Variants in APBB2 observed in about 807,000 individuals in gnomAD.
The protein encoded by APBB2 is Fe65-like 1.
A neutral mutation model predicts 82.5 loss-of-function variants in APBB2; 38 were observed. The observed-to-expected ratio is 0.46, with a 90% CI of 0.36 to 0.60. APBB2 has a LOEUF of 0.60. APBB2 is among the 20% of genes least tolerant of loss of function. The pLI is 0.00. For synonymous variants in APBB2, 341 were observed against 368.2 expected (o/e 0.93, Z 0.85); for missense variants, 772 against 972.3 (o/e 0.79, Z 2.74).
In APBB2 at chr4:41,213,123, G is replaced by C. The variant is rs1183992864; in HGVS notation, c.-417+1282C>G. ...GCAAGATTTAAGAGAGTAAACTCCA[G>C]AAACAACAGATCAAACTGCCATTGT... On this transcript the variant is annotated intron_variant, in intron 1 of 17. Coordinates refer to ENST00000508593, the MANE Select transcript of APBB2 (RefSeq NM_004307.2). 2.0e-5 allele frequency among the ~76,000 whole-genome samples: 3 copies of C among 149,348 alleles called. No individual in the cohort carries two copies. The East Asian group carries it at 5.9e-4, about 29-fold the overall frequency.
rs1359004345 is a variant in APBB2 at position 40,880,942 on chromosome 4, C to A, written c.1529+9422G>T. 8 of 984,432 alleles carry A rather than the reference C, an allele frequency of 8.1e-6. No homozygotes were observed. In the South Asian group the frequency reaches 3.8e-4, roughly 46 times the overall value. 61.0% of individuals were successfully genotyped at this position (984,432 alleles called of 1,614,324 possible). Reference sequence around the variant, plus strand: ...ATAGATTCATGAACAGGGACAGGACCGCCATGAACGATCTGTCTGAAAATG... The same window carrying A: ...ATAGATTCATGAACAGGGACAGGACAGCCATGAACGATCTGTCTGAAAATG... On this transcript the variant is annotated intron_variant, in intron 12 of 17. Transcript: ENST00000508593.
At chr4:41,197,950 A>G in intron 1 of APBB2, among the ~76,000 whole-genome samples, 5 of 152,362 alleles carry the variant, frequency 3.3e-5, no homozygotes, top group Admixed American at 3.3e-4. Flanking sequence ...ATTTGATAAT[A>G]TAACAATATT....
intron 4 of APBB2, among the ~76,000 whole-genome samples, chr4:41,061,309 C>T (rs925576800): frequency 6.6e-6 from 1 of 152,202 alleles, no homozygotes; most frequent in Non-Finnish European, 1.5e-5. Context: ...AGAAATGCAT[C>T]GTTGGGCGAT....
chr4:41,056,830 G>A (rs1474309534), intron 4 of APBB2, among the ~76,000 whole-genome samples: 2 of 152,160 alleles, frequency 1.3e-5, no homozygotes, highest in African/African-American at 4.8e-5. Context: ...ACTATCTCTT[G>A]TTCAAAAACA....
intron 4 of APBB2, among the ~76,000 whole-genome samples, chr4:41,039,830 T>C (rs1247039460): frequency 3.0e-5 from 3 of 99,218 alleles, no homozygotes; most frequent in Non-Finnish European, 4.3e-5. Context: ...TGTGAGACCT[T>C]GTCTCAAAAA....
chr4:40,883,500 T>A (rs1413819497), intron 12 of APBB2, among the ~76,000 whole-genome samples: 1 of 151,882 alleles, frequency 6.6e-6, no homozygotes, highest in African/African-American at 2.4e-5. Context: ...GGCAGGAGAA[T>A]TGCTTGAACC....
intron 6 of APBB2, among the ~76,000 whole-genome samples, chr4:40,966,567 C>T (rs759414893): frequency 3.3e-5 from 5 of 152,236 alleles, no homozygotes; most frequent in African/African-American, 4.8e-5. Context: ...CCTGCAGGCT[C>T]AGAAGTGCCT....
chr4:41,107,994 T>C (rs1282844039), intron 2 of APBB2, among the ~76,000 whole-genome samples: 4 of 152,204 alleles, frequency 2.6e-5, no homozygotes. Flanking sequence ...TATTTATATA[T>C]CAGATAATAT....
chr4:41,045,795 C>T (rs1723180303), intron 4 of APBB2, among the ~76,000 whole-genome samples: 1 of 152,170 alleles, frequency 6.6e-6, no homozygotes, highest in African/African-American at 2.4e-5. Context: ...AGACTATGTC[C>T]GTTTCATTCA....
intron 1 of APBB2, among the ~76,000 whole-genome samples, chr4:41,178,031 C>T (rs918161534): frequency 2.6e-5 from 4 of 152,062 alleles, no homozygotes; most frequent in South Asian, 4.1e-4. Flanking sequence ...GGGTCTCACA[C>T]GCAGAAGAAC....
intron 1 of APBB2, among the ~76,000 whole-genome samples, chr4:41,155,112 T>C (rs570255394): frequency 3.9e-5 from 6 of 152,342 alleles, no homozygotes; most frequent in East Asian, 3.9e-4. Context: ...GTCAAGTAAT[T>C]TGGCATTTTA....
intron 12 of APBB2, among the ~76,000 whole-genome samples, chr4:40,888,842 G>A (rs192549840): frequency 3.9e-5 from 6 of 152,170 alleles, no homozygotes; most frequent in Middle Eastern, 3.2e-3. Context: ...CGTCGCACAC[G>A]TATGTAATGT....
intron 12 of APBB2, among the ~76,000 whole-genome samples, chr4:40,884,734 A>G (rs1266633030): frequency 6.6e-6 from 1 of 152,230 alleles, no homozygotes; most frequent in Non-Finnish European, 1.5e-5. Flanking sequence ...ACTGTACTCC[A>G]GCCTGGGCAA....
At chr4:40,849,871 G>A (rs982293859) in intron 12 of APBB2, among the ~76,000 whole-genome samples, 5 of 130,852 alleles carry the variant, frequency 3.8e-5, no homozygotes, top group Non-Finnish European at 6.4e-5. Flanking sequence ...GAGATTACTC[G>A]GCGCCACCAC....
rs1347599468 is a variant in APBB2 at position 40,893,350 on chromosome 4, T to C, written c.1316A>G (p.Lys439Arg). The C allele has an allele frequency of 1.9e-6, 3 of 1,613,452 alleles. No homozygotes were observed. The highest frequency in any genetic ancestry group is 1.7e-5 in the Admixed American group (1 of 59,908). ...EMAEEDLAPG[K>R]SSVAVNNCIR... is the part of the protein sequence containing the mutation. ...GCAGTTGTTGACCGCAACACTACTT[T>C]TACCGGGGGCGAGGTCCTCTTCTGC... The change falls in exon 11 of 18, where the codon AAA becomes AGA. Residue 439 changes from lysine (K) to arginine (R), a missense_variant. Physicochemically the swap from Lys to Arg is conservative, Grantham distance 26 (BLOSUM62 2). Coordinates refer to ENST00000508593, the MANE Select transcript of APBB2 (RefSeq NM_004307.2).
intron 4 of APBB2, among the ~76,000 whole-genome samples, chr4:41,050,765 G>T (rs1430474403): frequency 3.9e-5 from 6 of 152,218 alleles, no homozygotes; most frequent in Admixed American, 6.5e-5. Context: ...TCATGAAACA[G>T]AAGTCCAAAT....
Position 41,023,004 on chromosome 4 carries a change from C to T in APBB2, c.20-8606G>A, listed in dbSNP as rs528655490. Among the ~76,000 whole-genome samples the T allele has an allele frequency of 4.6e-5, 7 of 152,286 alleles. No homozygotes were observed. The South Asian group carries it at 1.2e-3, about 27-fold the overall frequency. ...TCTGAGCAAGAGTTAAAATAAAATC[C>T]TTTAATATAATGTATAGACCAATTT... On this transcript the variant is annotated intron_variant, in intron 5 of 17. Transcript: ENST00000508593.
At position 40,944,908 on chromosome 4, in the gene APBB2, C is replaced by T. The variant is rs772394314; in HGVS notation, c.1001G>A (p.Gly334Glu). 6.2e-7 allele frequency: 1 copy of T among 1,613,450 alleles called. No homozygotes were observed. Among genetic ancestry groups the T allele is most frequent in the Non-Finnish European group, 8.5e-7 (1 of 1,179,992 alleles). The change falls in exon 7 of 18, where the codon GGG becomes GAG. Residue 334 changes from glycine to glutamate, a missense_variant. By Grantham distance (98) the Gly-to-Glu change is moderately conservative. Coordinates refer to ENST00000508593, the MANE Select transcript of APBB2 (RefSeq NM_004307.2). Reference protein sequence around the residue: ...IPADLQGSRKGSLSSVTPSPT... With the variant: ...IPADLQGSRKESLSSVTPSPT... ...AGATGGCGTTACAGAACTAAGTGAC[C>T]CTTTCCTAGAACCCTGGAGATCTGC...
intron 11 of APBB2, chr4:40,892,822 G>A (rs1427197866): frequency 1.3e-5 from 2 of 154,210 alleles, no homozygotes; most frequent in African/African-American, 2.4e-5. Flanking sequence ...CAGACGCTAA[G>A]TAAAGAAGAG....
Sources: allele counts gnomAD v4.1 joint callset (sites outside exome capture counted in the v4.1 genomes callset), GRCh38; gene constraint gnomAD v4.1.1; transcripts MANE v1.5; gene names NCBI Gene and HGNC (gene_info 2026-07-23, HGNC 2026-07-21).